ERICH1: variants seen among roughly 807,000 people sequenced by gnomAD.
ERICH1 encodes the protein glutamate-rich protein 1.
ERICH1 carries 56 observed loss-of-function variants against 39.6 expected under a neutral mutation model. That is an observed-to-expected ratio of 1.41 (90% CI 1.14 to 1.77). The LOEUF (loss-of-function observed/expected upper bound fraction) is 1.77, where lower values mean the gene tolerates loss of function less well. ERICH1 is among the 40% of genes most tolerant of loss of function. The pLI, the probability that ERICH1 is intolerant of heterozygous loss-of-function variation, is 0.00. For synonymous variants in ERICH1, 313 were observed against 223.6 expected (o/e 1.40, Z -3.57); for missense variants, 826 against 575.4 (o/e 1.44, Z -4.45).
At chr8:708,394 C>T (rs1813791351) in intron 2 of ERICH1, among the ~76,000 whole-genome samples, 2 of 152,130 alleles carry the variant, frequency 1.3e-5, no homozygotes, top group Admixed American at 1.3e-4. Flanking sequence ...GGAGAAACAA[C>T]CAAACATTCA....
intron 3 of ERICH1, among the ~76,000 whole-genome samples, chr8:627,597 G>C (rs770741620): frequency 2.6e-5 from 4 of 152,236 alleles, no homozygotes; most frequent in Non-Finnish European, 5.9e-5. Flanking sequence ...TCCAGCCGCA[G>C]GCCAAGCACC....
chr8:691,347 C>G (rs1423417012), intron 3 of ERICH1, among the ~76,000 whole-genome samples: 1 of 152,224 alleles, frequency 6.6e-6, no homozygotes, highest in East Asian at 1.9e-4. Flanking sequence ...TAGCTCAGTC[C>G]TGACACAGCC....
Position 672,994 on chromosome 8 carries a change from G to A in ERICH1, c.1063+295C>T, listed in dbSNP as rs779307215. ...CTGACCTTAGAGGCATGGAGGACAC[G>A]GGGCCAGCCTGTCCTTGGCACAGCT... On this transcript the variant is annotated intron_variant, in intron 4 of 5. Coordinates refer to ENST00000262109, the MANE Select transcript of ERICH1 (RefSeq NM_207332.3). Among the ~76,000 whole-genome samples, 8 of 152,344 alleles carry A rather than the reference G, an allele frequency of 5.3e-5. 1 individual carries two copies. In the South Asian group the frequency reaches 1.0e-3, roughly 20 times the overall value.
intron 3 of ERICH1, chr8:616,081 T>G (rs942919152): frequency 6.1e-6 from 1 of 163,968 alleles, no homozygotes; most frequent in Non-Finnish European, 1.3e-5. Flanking sequence ...CCCAGCAATG[T>G]GCAAGAGAAG....
chr8:616,930 C>A (rs200584211), intron 3 of ERICH1, among the ~76,000 whole-genome samples: 1 of 23,694 alleles, frequency 4.2e-5, no homozygotes, highest in Non-Finnish European at 6.7e-5. Context: ...CAGAAAGAGA[C>A]AGAGAGAGAG....
downstream of ERICH1, among the ~76,000 whole-genome samples, chr8:662,535 C>G (rs182689251): frequency 5.3e-5 from 8 of 152,132 alleles, no homozygotes; most frequent in East Asian, 1.4e-3. Flanking sequence ...GTAATCCCAG[C>G]TACTTGGGAG....
chr8:615,267 T>C (rs910479205), exon 4 of ERICH1: 2 of 697,208 alleles, frequency 2.9e-6, no homozygotes, highest in South Asian at 1.5e-5. Flanking sequence ...TTCTTGGCTT[T>C]AAGTCTGCTT....
chr8:654,939 C>T (rs1025571553), intron 3 of ERICH1, among the ~76,000 whole-genome samples: 2 of 152,354 alleles, frequency 1.3e-5, no homozygotes, highest in South Asian at 2.1e-4. Flanking sequence ...CTTGCGGTGA[C>T]CAAATCCTCT....
intron 4 of ERICH1, among the ~76,000 whole-genome samples, chr8:671,588 C>T (rs978818915): frequency 1.3e-4 from 20 of 148,892 alleles, no homozygotes; most frequent in Admixed American, 1.1e-3. Flanking sequence ...CAGGCTCTGA[C>T]CTCTGAACCC....
chr8:718,358 T>G (rs1816521147), intron 1 of ERICH1, among the ~76,000 whole-genome samples: 1 of 152,024 alleles, frequency 6.6e-6, no homozygotes, highest in African/African-American at 2.4e-5. Context: ...AGCGACATAA[T>G]AAGAATGTGC....
intron 3 of ERICH1, among the ~76,000 whole-genome samples, chr8:623,359 C>T (rs894864352): frequency 7.2e-5 from 11 of 152,206 alleles, no homozygotes; most frequent in Admixed American, 3.9e-4. Flanking sequence ...TAAAAGGATG[C>T]TCAACAAACT....
intron 3 of ERICH1, among the ~76,000 whole-genome samples, chr8:629,186 C>T (rs986223407): frequency 3.3e-5 from 5 of 152,182 alleles, no homozygotes; most frequent in African/African-American, 1.2e-4. Flanking sequence ...CCCAGCACCC[C>T]CTTCCTAGCC....
At chr8:699,285 C>T (rs532027676) in intron 2 of ERICH1, among the ~76,000 whole-genome samples, 1 of 152,052 alleles carries the variant, frequency 6.6e-6, no homozygotes, top group Non-Finnish European at 1.5e-5. Flanking sequence ...AAAATGCTAC[C>T]GGGGGGAGCG....
intron 5 of ERICH1, chr8:666,507 A>G (rs1199384249): frequency 6.6e-6 from 1 of 152,262 alleles, no homozygotes; most frequent in African/African-American, 2.4e-5. Flanking sequence ...CCTTCTCAGG[A>G]GCACTGCCAC....
intron 3 of ERICH1, among the ~76,000 whole-genome samples, chr8:618,416 C>G (rs1419593299): frequency 2.0e-5 from 3 of 152,046 alleles, no homozygotes; most frequent in African/African-American, 4.8e-5. Context: ...TCACTGCCCT[C>G]TGAGTGCTCA....
chr8:708,681 G>GTTTGTTTTTTTTTT (rs1813885122), intron 2 of ERICH1, among the ~76,000 whole-genome samples: 1 of 65,816 alleles, frequency 1.5e-5, no homozygotes, highest in African/African-American at 5.7e-5. Flanking sequence ...GGGATAATGA[G>GTTTGTTTTTTTTTT]TTTTTTTTTT....
intron 3 of ERICH1, among the ~76,000 whole-genome samples, chr8:624,693 C>T (rs1797497024): frequency 6.6e-6 from 1 of 151,726 alleles, no homozygotes; most frequent in African/African-American, 2.4e-5. Context: ...GGGGGAGGCG[C>T]TACACACTTT....
At chr8:615,112 G>C in exon 4 of ERICH1, 1 of 603,546 alleles carries the variant, frequency 1.7e-6, no homozygotes, top group Non-Finnish European at 2.9e-6. Flanking sequence ...AAAGCTTGCT[G>C]CATCTGAGTC....
chr8:678,770 T>C (rs2131926050), intron 3 of ERICH1, among the ~76,000 whole-genome samples: 1 of 152,234 alleles, frequency 6.6e-6, no homozygotes, highest in Admixed American at 6.5e-5. Context: ...ATTGCACCAC[T>C]GCACTCCAGC....
Sources: gnomAD v4.1 joint callset for allele counts (sites outside exome capture counted in the v4.1 genomes callset) on GRCh38, gnomAD v4.1.1 for gene constraint, MANE v1.5 for transcripts, NCBI Gene and HGNC (gene_info 2026-07-23, HGNC 2026-07-21) for gene names.